The following RHOBTB1 variants were observed in gnomAD, a reference collection of about 807,000 sequenced individuals.
RHOBTB1 encodes rho-related BTB domain-containing protein 1.
RHOBTB1 carries 40 observed loss-of-function variants against 71.6 expected under a neutral mutation model. That is an observed-to-expected ratio of 0.56 (90% CI 0.43 to 0.73). The LOEUF is 0.73. RHOBTB1 is among the 30% of genes least tolerant of loss of function. The pLI, the probability that RHOBTB1 is intolerant of heterozygous loss-of-function variation, is 0.00. For synonymous variants in RHOBTB1, 319 were observed against 334.9 expected (o/e 0.95, Z 0.52); for missense variants, 797 against 894.0 (o/e 0.89, Z 1.38).
intron 2 of RHOBTB1, among the ~76,000 whole-genome samples, chr10:60,916,087 A>G (rs1400922543): frequency 6.6e-6 from 1 of 152,224 alleles, no homozygotes; most frequent in African/African-American, 2.4e-5. Context: ...TCAGGAGGTG[A>G]AATCTATTTC....
In RHOBTB1 at chr10:60,886,089, T is replaced by A. The variant is rs746764658; in HGVS notation, c.1575+23A>T. On this transcript the variant is annotated intron_variant, in intron 7 of 10. Transcript: ENST00000337910. ...ACACATACATTCATAAAGACACCAC[T>A]ATGCTTTTAGGAAGGCACGTACCTC... The A allele has an allele frequency of 4.6e-6, 7 of 1,536,808 alleles. No individual in the cohort carries two copies. The Admixed American group carries it at 1.2e-4, about 26-fold the overall frequency.
At chr10:60,878,510 C>T (rs1485656352) in intron 7 of RHOBTB1, among the ~76,000 whole-genome samples, 5 of 152,314 alleles carry the variant, frequency 3.3e-5, no homozygotes. Context: ...ACCCTAGCTG[C>T]CACAGTGACC....
At chr10:60,890,150 G>A (rs142395561) in intron 5 of RHOBTB1, among the ~76,000 whole-genome samples, 16 of 152,220 alleles carry the variant, frequency 1.1e-4, no homozygotes, top group African/African-American at 3.4e-4. Context: ...CCCACTTCTA[G>A]TTAAATGATC....
At chr10:60,990,921 C>T (rs1173521266) in intron 1 of RHOBTB1, among the ~76,000 whole-genome samples, 1 of 152,198 alleles carries the variant, frequency 6.6e-6, no homozygotes, top group Non-Finnish European at 1.5e-5. Flanking sequence ...ACATCTCAAA[C>T]TCAACACATC....
chr10:60,975,922 G>A (rs1361909032), intron 2 of RHOBTB1, among the ~76,000 whole-genome samples: 3 of 152,008 alleles, frequency 2.0e-5, no homozygotes, highest in African/African-American at 7.2e-5. Flanking sequence ...ATAAGGGGAT[G>A]GTGGAAAATG....
At chr10:60,913,244 G>C (rs1347482519) in intron 2 of RHOBTB1, among the ~76,000 whole-genome samples, 1 of 152,186 alleles carries the variant, frequency 6.6e-6, no homozygotes, top group African/African-American at 2.4e-5. Context: ...TGTTAAAGCT[G>C]AGGCTGGAGA....
At chr10:60,887,267 A>T (rs960658887) in intron 6 of RHOBTB1, among the ~76,000 whole-genome samples, 6 of 152,238 alleles carry the variant, frequency 3.9e-5, no homozygotes, top group Non-Finnish European at 8.8e-5. Context: ...TTTGAAGTAA[A>T]TACTACTCAT....
At chr10:60,988,719 G>C (rs905758104) in intron 1 of RHOBTB1, among the ~76,000 whole-genome samples, 3 of 152,150 alleles carry the variant, frequency 2.0e-5, no homozygotes, top group East Asian at 1.9e-4. Flanking sequence ...TGGGCACCTA[G>C]GTTGATTCCA....
chr10:60,887,891 G>C lies in RHOBTB1; in HGVS notation c.1456+321C>G, dbSNP rs1405070895. ...TGAGGAGCAGTGTGGTACCATGGTGGTTTATGGAACAGGTTTTGATACCCA... is the reference window on the plus strand; with the variant it reads ...TGAGGAGCAGTGTGGTACCATGGTGCTTTATGGAACAGGTTTTGATACCCA... On this transcript the variant is annotated intron_variant, in intron 6 of 10. Coordinates refer to ENST00000337910, the MANE Select transcript of RHOBTB1 (RefSeq NM_014836.5). Among the ~76,000 whole-genome samples, 3 of 152,160 alleles carry C rather than the reference G, an allele frequency of 2.0e-5. No homozygotes were observed. In the South Asian group the frequency reaches 6.2e-4, roughly 32 times the overall value.
intron 2 of RHOBTB1, among the ~76,000 whole-genome samples, chr10:60,969,557 T>A (rs2086082759): frequency 1.3e-5 from 2 of 151,990 alleles, no homozygotes; most frequent in African/African-American, 2.4e-5. Context: ...AGGTTACATC[T>A]GGGACCAGTA....
intron 2 of RHOBTB1, among the ~76,000 whole-genome samples, chr10:60,917,626 C>A (rs1478861827): frequency 6.6e-6 from 1 of 152,162 alleles, no homozygotes; most frequent in Admixed American, 6.5e-5. Flanking sequence ...CTAATCTCAT[C>A]ATGGGGCTCC....
intron 7 of RHOBTB1, among the ~76,000 whole-genome samples, chr10:60,885,275 G>A (rs1306688402): frequency 6.6e-6 from 1 of 152,148 alleles, no homozygotes; most frequent in East Asian, 1.9e-4. Flanking sequence ...GAAACATCAT[G>A]TACCCCATAA....
intron 2 of RHOBTB1, among the ~76,000 whole-genome samples, chr10:60,973,149 A>G (rs1324201183): frequency 2.0e-5 from 3 of 152,038 alleles, no homozygotes; most frequent in Admixed American, 2.0e-4. Flanking sequence ...TCAAATATAA[A>G]GGTAAGCAAT....
chr10:60,931,025 T>C (rs1188617895), intron 2 of RHOBTB1, among the ~76,000 whole-genome samples: 2 of 152,040 alleles, frequency 1.3e-5, no homozygotes, highest in East Asian at 3.9e-4. Flanking sequence ...GCAACAACAA[T>C]ACATGAAAAA....
rs532010095 is a variant in RHOBTB1, at chr10:60,957,041, T to C, written c.-61-15187A>G. The stretch of plus-strand genomic sequence containing the variant: ...TTTCACTTAAACATTTTGCTATATT[T>C]ATAACAATTTTGTCTTCTGGGGCAA... On this transcript the variant is annotated intron_variant, in intron 2 of 11. Transcript: ENST00000357917. 1.6e-4 allele frequency among the ~76,000 whole-genome samples: 24 copies of C among 152,366 alleles called. No homozygotes were observed. In the East Asian group the frequency reaches 4.4e-3, roughly 28 times the overall value.
At chr10:60,955,043 CTTTT>C (rs34012455) in intron 2 of RHOBTB1, among the ~76,000 whole-genome samples, 2 of 112,838 alleles carry the variant, frequency 1.8e-5, no homozygotes, top group Non-Finnish European at 3.5e-5. Context: ...TTCTTTCTTT[CTTTT>C]TTTTTTTTTT....
At chr10:60,988,021 C>T (rs2086727155) in intron 1 of RHOBTB1, among the ~76,000 whole-genome samples, 2 of 146,862 alleles carry the variant, frequency 1.4e-5, no homozygotes, top group African/African-American at 2.5e-5. Context: ...GCAAGCTGTG[C>T]CTCCTGGGTA....
At chr10:60,940,662 G>A (rs551797131) in intron 2 of RHOBTB1, among the ~76,000 whole-genome samples, 1 of 152,236 alleles carries the variant, frequency 6.6e-6, no homozygotes, top group East Asian at 1.9e-4. Flanking sequence ...GCAATTTAGC[G>A]GTTCTGGATG....
chr10:60,925,887 T>C (rs1364754949), intron 2 of RHOBTB1, among the ~76,000 whole-genome samples: 2 of 152,044 alleles, frequency 1.3e-5, no homozygotes, highest in Non-Finnish European at 2.9e-5. Flanking sequence ...AATAGACCAA[T>C]AGCAAGTAAC....
Sources: allele counts gnomAD v4.1 joint callset (sites outside exome capture counted in the v4.1 genomes callset), GRCh38; gene constraint gnomAD v4.1.1; transcripts MANE v1.5; gene names NCBI Gene and HGNC (gene_info 2026-07-23, HGNC 2026-07-21).